NUP210L: variants seen among roughly 807,000 people sequenced by gnomAD.
The protein encoded by NUP210L is nuclear pore membrane glycoprotein 210-like.
A neutral mutation model predicts 208.5 loss-of-function variants in NUP210L; 74 were observed. The observed-to-expected ratio is 0.35, with a 90% CI of 0.29 to 0.43. NUP210L has a LOEUF of 0.43. Ranked by LOEUF, NUP210L falls within the 20% of genes least tolerant of loss-of-function variation. NUP210L has a pLI of 1.00. For synonymous variants in NUP210L, 780 were observed against 816.9 expected (o/e 0.95, Z 0.77); for missense variants, 1,843 against 2,289.4 (o/e 0.81, Z 3.98).
At chr1:154,120,723 G>A (rs1359235798) in intron 10 of NUP210L, among the ~76,000 whole-genome samples, 5 of 150,664 alleles carry the variant, frequency 3.3e-5, no homozygotes, top group South Asian at 2.1e-4. Context: ...GTGAAACCCC[G>A]TCTCTACCTA....
At chr1:154,055,134 TC>T (rs763820899) in intron 23 of NUP210L, among the ~76,000 whole-genome samples, 29 of 64,448 alleles carry the variant, frequency 4.5e-4, no homozygotes, top group African/African-American at 7.0e-4. Context: ...TTTCTTTCTT[TC>T]TTTCTTTCTT....
At chr1:154,096,354 A>G (rs1292289479) in intron 14 of NUP210L, among the ~76,000 whole-genome samples, 1 of 152,250 alleles carries the variant, frequency 6.6e-6, no homozygotes, top group Non-Finnish European at 1.5e-5. Flanking sequence ...TTCAATAAAT[A>G]TTCACTTATG....
At chr1:154,054,954 G>GC in intron 23 of NUP210L, 122 bp from the exon 24 acceptor site, 1 of 669,298 alleles carries the variant, frequency 1.5e-6, no homozygotes, top group South Asian at 1.8e-5. Context: ...ATGCTGAAGT[G>GC]CAGTGGCACG....
Position 154,143,585 on chromosome 1 carries a change from G to A in NUP210L, c.341-8C>T. 6.2e-7 allele frequency: 1 copy of A among 1,608,348 alleles called. No individual in the cohort carries two copies. The highest frequency in any genetic ancestry group is 1.1e-5 in the South Asian group (1 of 89,910). ...GTAGCTCATGGTCAGTCACTACAAT[G>A]AACCCAAAAACTGAGTATTTAATTC... On this transcript the variant is annotated splice_polypyrimidine_tract_variant and splice_region_variant and intron_variant, in intron 2 of 39. Coordinates refer to ENST00000368559, the Ensembl canonical transcript of NUP210L.
rs1162421953 is a variant in NUP210L at position 154,125,752 on chromosome 1, GTTTTTTTTT to G, written c.1326+562_1326+570del. On this transcript the variant is annotated intron_variant, in intron 10 of 39. Coordinates refer to ENST00000368559, the Ensembl canonical transcript of NUP210L. Reference sequence around the variant, plus strand: ...AAGGAAGGAAGGGAGGGAGGGAAATGTTTTTTTTTTTTTTTTTTTTTTTTTTTTTTTTTG... The same window carrying G: ...AAGGAAGGAAGGGAGGGAGGGAAATGTTTTTTTTTTTTTTTTTTTTTTTTG... Among the ~76,000 whole-genome samples the G allele has an allele frequency of 1.3e-3, 4 of 3,070 alleles. 1 individual carries two copies. Among genetic ancestry groups the G allele is most frequent in the African/African-American group, 2.6e-3 (4 of 1,520 alleles). The allele number at this position is 3,070 out of a possible 152,430, so 2.0% of individuals were successfully genotyped here.
At chr1:154,099,972 C>A in intron 14 of NUP210L, 26 bp downstream of exon 14, 1 of 1,611,854 alleles carries the variant, frequency 6.2e-7, no homozygotes, top group East Asian at 2.2e-5. Context: ...AAAGAAATGC[C>A]AGTTCCTTAC....
At chr1:154,026,231 C>T (rs1438210470) in intron 29 of NUP210L, among the ~76,000 whole-genome samples, 2 of 151,908 alleles carry the variant, frequency 1.3e-5, no homozygotes, top group Non-Finnish European at 2.9e-5. Context: ...AGCAAAACTC[C>T]GTTTCAAAAA....
At chr1:154,078,788 T>C (rs1655167341) in intron 16 of NUP210L, 1 of 152,122 alleles carries the variant, frequency 6.6e-6, no homozygotes, top group South Asian at 2.1e-4. Context: ...AAGATGTTAA[T>C]TGTAATCCTT....
exon 32 of NUP210L, chr1:154,022,169 A>G (rs745949794): frequency 3.6e-5 from 58 of 1,613,988 alleles, no homozygotes; most frequent in Non-Finnish European, 2.0e-5. Context: ...TGATATCTCC[A>G]ACAAAGGTAA....
At chr1:154,126,035 T>G (rs920887241) in intron 10 of NUP210L, among the ~76,000 whole-genome samples, 4 of 152,084 alleles carry the variant, frequency 2.6e-5, no homozygotes, top group Admixed American at 6.6e-5. Flanking sequence ...CCCAAAGTGC[T>G]GGGATTACAG....
chr1:154,141,331 G>C (rs868093891), intron 4 of NUP210L, 100 bp downstream of exon 4: 9 of 747,204 alleles, frequency 1.2e-5, no homozygotes, highest in South Asian at 8.9e-5. Context: ...TAGATAGCAG[G>C]GTCATCAAAG....
At chr1:154,065,496 C>T (rs1217142068) in intron 17 of NUP210L, among the ~76,000 whole-genome samples, 1 of 152,134 alleles carries the variant, frequency 6.6e-6, no homozygotes, top group African/African-American at 2.4e-5. Flanking sequence ...TCAGCCCTAG[C>T]TTTGTAAACA....
At chr1:154,002,340 G>A (rs1173359208) in intron 35 of NUP210L, among the ~76,000 whole-genome samples, 4 of 151,742 alleles carry the variant, frequency 2.6e-5, no homozygotes, top group East Asian at 1.9e-4. Flanking sequence ...TCAGCCTCCC[G>A]AGTAGCTGGG....
intron 7 of NUP210L, among the ~76,000 whole-genome samples, chr1:154,129,578 G>A (rs1658144427): frequency 1.3e-5 from 2 of 152,208 alleles, no homozygotes; most frequent in South Asian, 4.1e-4. Context: ...GAGGAAGATA[G>A]AAAGGGAGAA....
chr1:153,995,857 T>C (rs1260618710), intron 37 of NUP210L: 3 of 586,522 alleles, frequency 5.1e-6, no homozygotes, highest in East Asian at 3.8e-5. Flanking sequence ...TCGGGTTCCA[T>C]GTGTGCTAAA....
At chr1:154,122,050 A>C (rs1183448834) in intron 10 of NUP210L, among the ~76,000 whole-genome samples, 4 of 152,212 alleles carry the variant, frequency 2.6e-5, no homozygotes, top group Non-Finnish European at 4.4e-5. Context: ...AGCCAGACTC[A>C]GAAAGAAAAC....
chr1:154,083,177 G>A (rs899139867), intron 16 of NUP210L, among the ~76,000 whole-genome samples: 3 of 152,084 alleles, frequency 2.0e-5, no homozygotes, highest in African/African-American at 7.2e-5. Flanking sequence ...ATTTGGCCCC[G>A]CCCACATCCT....
At chr1:154,006,968 T>TA (rs1367159154) in intron 35 of NUP210L, among the ~76,000 whole-genome samples, 3,765 of 83,644 alleles carry the variant, frequency 0.045, 130 homozygotes, top group East Asian at 0.15. Context: ...ATATATATAT[T>TA]TTTTTTTTTT....
chr1:154,112,858 GA>G (rs35923188), intron 12 of NUP210L, among the ~76,000 whole-genome samples: 19,467 of 127,166 alleles, frequency 0.15, 2,042 homozygotes, highest in African/African-American at 0.31. Context: ...CCTGTCTGGG[GA>G]AAAAAAAAAA....
Sources: allele counts gnomAD v4.1 joint callset (sites outside exome capture counted in the v4.1 genomes callset), GRCh38; gene constraint gnomAD v4.1.1; transcripts MANE v1.5; gene names NCBI Gene and HGNC (gene_info 2026-07-23, HGNC 2026-07-21).